Variants in PDGFC observed in about 807,000 individuals in gnomAD.
PDGFC encodes the protein platelet-derived growth factor C.
In PDGFC, 12 loss-of-function variants were observed where a neutral mutation model predicts 35.5. The observed-to-expected ratio is 0.34, with a 90% CI of 0.22 to 0.55. The LOEUF is 0.55. Among genes scored for constraint, PDGFC ranks in the 20% least tolerant of loss-of-function variants. PDGFC has a pLI of 0.91. For synonymous variants in PDGFC, 159 were observed against 148.8 expected (o/e 1.07, Z -0.50); for missense variants, 322 against 412.4 (o/e 0.78, Z 1.90).
intron 1 of PDGFC, among the ~76,000 whole-genome samples, chr4:156,865,186 G>GCGCACACA (rs71602286): frequency 2.0e-5 from 3 of 146,676 alleles, no homozygotes; most frequent in African/African-American, 7.5e-5. Context: ...AGATACATGT[G>GCGCACACA]CACACACACA....
Position 156,873,514 on chromosome 4 carries a change from A to G in PDGFC, c.119-23098T>C, listed in dbSNP as rs140863425. 1.9e-3 allele frequency among the ~76,000 whole-genome samples: 284 copies of G among 152,354 alleles called. 1 individual carries two copies. The highest frequency in any genetic ancestry group is 6.5e-3 in the African/African-American group (272 of 41,588). On this transcript the variant is annotated intron_variant, in intron 1 of 5. Transcript: ENST00000502773. The stretch of plus-strand genomic sequence containing the variant: ...TTGATAATTAATAAATATTCAGTAT[A>G]CATAAATCGCATTTTGTTTCCACAG...
At chr4:156,967,551 G>A (rs965585362) in intron 1 of PDGFC, 6 of 152,174 alleles carry the variant, frequency 3.9e-5, no homozygotes, top group Non-Finnish European at 7.3e-5. Flanking sequence ...TAATCTATGA[G>A]TAAACTAAAA....
chr4:156,949,258 T>C (rs1479296421), intron 1 of PDGFC, among the ~76,000 whole-genome samples: 2 of 151,962 alleles, frequency 1.3e-5, no homozygotes, highest in African/African-American at 4.8e-5. Flanking sequence ...CCATTTATTC[T>C]GAATAACAGA....
At chr4:156,862,745 C>T (rs1489272872) in intron 1 of PDGFC, among the ~76,000 whole-genome samples, 2 of 151,314 alleles carry the variant, frequency 1.3e-5, no homozygotes, top group East Asian at 3.9e-4. Flanking sequence ...TTTTGGTCAC[C>T]CAGGCTGAGT....
At chr4:156,960,225 T>TCAAAACACATCACCTCCTCTGTGG in intron 1 of PDGFC, among the ~76,000 whole-genome samples, 1 of 145,204 alleles carries the variant, frequency 6.9e-6, no homozygotes, top group Non-Finnish European at 1.5e-5. Context: ...AAGATACAGT[T>TCAAAACACATCACCTCCTCTGTGG]GAAGCCATTT....
chr4:156,816,670 T>C (rs139072374), intron 2 of PDGFC, among the ~76,000 whole-genome samples: 3 of 152,152 alleles, frequency 2.0e-5, no homozygotes, highest in African/African-American at 4.8e-5. Flanking sequence ...AGCAACTAAC[T>C]GCAAAGCGAA....
intron 2 of PDGFC, among the ~76,000 whole-genome samples, chr4:156,824,289 T>C (rs1406727383): frequency 3.7e-5 from 1 of 26,770 alleles, no homozygotes; most frequent in Non-Finnish European, 7.9e-5. Flanking sequence ...TGTAAGCATA[T>C]ATATATATAT....
At chr4:156,886,988 T>C (rs981570849) in intron 1 of PDGFC, 2 of 152,222 alleles carry the variant, frequency 1.3e-5, no homozygotes, top group African/African-American at 4.8e-5. Context: ...GCTAGAAGTA[T>C]CTTAACTGAT....
At chr4:156,951,327 T>C (rs369799190) in intron 1 of PDGFC, among the ~76,000 whole-genome samples, 3 of 151,886 alleles carry the variant, frequency 2.0e-5, no homozygotes, top group African/African-American at 7.2e-5. Flanking sequence ...GCAAATAGTT[T>C]AAAGAAAATT....
At chr4:156,781,756 G>A (rs998890213) in intron 3 of PDGFC, among the ~76,000 whole-genome samples, 2 of 152,114 alleles carry the variant, frequency 1.3e-5, no homozygotes, top group African/African-American at 2.4e-5. Context: ...TTATGTGTGT[G>A]TCTGTAGGAA....
intron 1 of PDGFC, among the ~76,000 whole-genome samples, chr4:156,887,807 A>T (rs1002848137): frequency 6.6e-6 from 1 of 151,982 alleles, no homozygotes. Flanking sequence ...TGAGCTCAAG[A>T]GTGCAACATG....
intron 1 of PDGFC, 88 bp from the exon 2 acceptor site, chr4:156,850,504 T>C (rs1448651354): frequency 1.5e-6 from 1 of 647,134 alleles, no homozygotes; most frequent in Non-Finnish European, 2.5e-6. Flanking sequence ...ACACTTTACC[T>C]CAGACAAGTG....
At chr4:156,797,805 C>CTACT (rs758444987) in intron 3 of PDGFC, among the ~76,000 whole-genome samples, 16 of 152,132 alleles carry the variant, frequency 1.1e-4, no homozygotes, top group Admixed American at 2.0e-4. Context: ...TGAGACTGGG[C>CTACT]TACTCCTTAC....
intron 1 of PDGFC, among the ~76,000 whole-genome samples, chr4:156,882,121 T>C (rs555174423): frequency 1.6e-4 from 24 of 152,150 alleles, no homozygotes; most frequent in Non-Finnish European, 2.6e-4. Context: ...TCTATAGTAG[T>C]AAGTCTCCCA....
chr4:156,773,359 T>C (rs1730738776), intron 3 of PDGFC, among the ~76,000 whole-genome samples: 1 of 152,172 alleles, frequency 6.6e-6, no homozygotes, highest in South Asian at 2.1e-4. Flanking sequence ...AGAAATCATT[T>C]GACATTAAAG....
intron 3 of PDGFC, among the ~76,000 whole-genome samples, chr4:156,810,002 A>G (rs1731887438): frequency 6.6e-6 from 1 of 151,840 alleles, no homozygotes; most frequent in African/African-American, 2.4e-5. Context: ...ATGGCCCTCA[A>G]CGCCACCCTA....
chr4:156,970,849 C>G lies in PDGFC; in HGVS notation c.55G>C (p.Gly19Arg). 1.2e-6 allele frequency: 2 copies of G among 1,614,084 alleles called. No homozygotes were observed. Among genetic ancestry groups the G allele is most frequent in the South Asian group, 1.1e-5 (1 of 91,080 alleles). Residue 19 changes from glycine to arginine, a missense_variant, in exon 1 of 6, where the codon GGG (glycine) becomes CGG (arginine). This residue lies in a region of PDGFC where 120 missense variants were observed against 116.6 expected (regional missense o/e 1.03). Transcript: ENST00000502773. ...LTSALAGQRQGTQAESNLSSK... is the reference protein window; with the variant it reads ...LTSALAGQRQRTQAESNLSSK... ...CTCAGGTTGGATTCCGCCTGAGTCC[C>G]CTGTCTCTGGCCGGCCAGGGCAGAT...
intron 1 of PDGFC, among the ~76,000 whole-genome samples, chr4:156,930,812 T>TG (rs1731533705): frequency 1.3e-5 from 2 of 152,098 alleles, no homozygotes; most frequent in African/African-American, 4.8e-5. Context: ...GAGGTTGCAG[T>TG]GAGCCAAGAT....
chr4:156,958,322 TAA>T (rs1189023042), intron 1 of PDGFC, among the ~76,000 whole-genome samples: 4 of 142,264 alleles, frequency 2.8e-5, no homozygotes, highest in Admixed American at 1.4e-4. Flanking sequence ...GTTACTCATT[TAA>T]AAAAAAAAAA....
Sources: gnomAD v4.1 joint callset for allele counts (sites outside exome capture counted in the v4.1 genomes callset) on GRCh38, gnomAD v4.1.1 for gene constraint, gnomAD v4.1.1 regional missense constraint, MANE v1.5 for transcripts, NCBI Gene and HGNC (gene_info 2026-07-23, HGNC 2026-07-21) for gene names.